The following FSD1L variants were observed in gnomAD, a reference collection of about 807,000 sequenced individuals.
FSD1L encodes fibronectin type III and SPRY domain containing 1 like.
A neutral mutation model predicts 71.6 loss-of-function variants in FSD1L; 45 were observed. That is an observed-to-expected ratio of 0.63 (90% confidence interval 0.49 to 0.81). The LOEUF (loss-of-function observed/expected upper bound fraction) is 0.81. Among genes scored for constraint, FSD1L ranks in the 30% least tolerant of loss-of-function variants. The probability of loss-of-function intolerance (pLI) is 0.00; values close to 1 mark genes in which losing one functional copy is unlikely to be tolerated. For missense variants in FSD1L, 561 were observed against 618.1 expected, an observed-to-expected ratio of 0.91 and a Z score of 0.98; for synonymous variants, 197 against 207.2, an observed-to-expected ratio of 0.95 and a Z score of 0.42.
chr9:105,524,241 A>T (rs1835363236), intron 10 of FSD1L: 1 of 1,612,212 alleles, frequency 6.2e-7, no homozygotes. Flanking sequence ...GTTTACTAAT[A>T]AAACAGTAGC....
chr9:105,517,752 C>T (rs1280877594), intron 10 of FSD1L, among the ~76,000 whole-genome samples: 1 of 152,146 alleles, frequency 6.6e-6, no homozygotes, highest in African/African-American at 2.4e-5. Context: ...ACTGCATCAA[C>T]TAATAGGCAA....
chr9:105,475,991 A>G (rs868500996), intron 5 of FSD1L, among the ~76,000 whole-genome samples: 12 of 152,194 alleles, frequency 7.9e-5, no homozygotes, highest in African/African-American at 2.4e-5. Context: ...CTTTCTATAA[A>G]AAGAGAAATG....
intron 2 of FSD1L, 99 bp from the exon 3 acceptor site, chr9:105,464,137 A>G (rs768563159): frequency 1.8e-5 from 12 of 668,192 alleles, no homozygotes; most frequent in African/African-American, 3.7e-5. Context: ...TTTGTTATAC[A>G]ATATACTCTT....
intron 7 of FSD1L, among the ~76,000 whole-genome samples, chr9:105,488,111 A>G (rs568757699): frequency 1.3e-5 from 2 of 152,250 alleles, no homozygotes; most frequent in East Asian, 3.9e-4. Context: ...GTATACTGGC[A>G]TGTATCTGCC....
rs774927554 is a variant in FSD1L, at chr9:105,494,533, A to T, written c.586+10031A>T. ...GTCATTCTCCATTCAGCTTTGCTCC[A>T]TTTCTGGTGAGGAGCTGCGTTCCTT... is the stretch of plus-strand genomic sequence containing the variant. On this transcript the variant is annotated intron_variant, in intron 7 of 13. Coordinates refer to ENST00000481272, the MANE Select transcript of FSD1L (RefSeq NM_001145313.3). Among the ~76,000 whole-genome samples, 7 of 152,038 alleles carry T rather than the reference A, an allele frequency of 4.6e-5. No homozygotes were observed. The East Asian group carries it at 5.8e-4, about 13-fold the overall frequency.
At chr9:105,518,058 CAAAG>C (rs1030173545) in intron 10 of FSD1L, among the ~76,000 whole-genome samples, 66 of 152,208 alleles carry the variant, frequency 4.3e-4, no homozygotes, top group African/African-American at 1.3e-3. Context: ...TCAAAAGAGA[CAAAG>C]AAGGGCATTA....
At chr9:105,460,886 C>T (rs1419665396) in intron 1 of FSD1L, among the ~76,000 whole-genome samples, 2 of 152,010 alleles carry the variant, frequency 1.3e-5, no homozygotes, top group South Asian at 2.1e-4. Flanking sequence ...TATTGGACCC[C>T]GAAGTGGTGT....
At chr9:105,488,821 T>G (rs996212913) in intron 7 of FSD1L, among the ~76,000 whole-genome samples, 1 of 121,260 alleles carries the variant, frequency 8.2e-6, no homozygotes, top group African/African-American at 3.9e-5. Context: ...TACATTGGGT[T>G]TTTTTTTTTT....
At chr9:105,448,333 G>A in intron 1 of FSD1L, 98 bp downstream of exon 1, 1 of 1,142,762 alleles carries the variant, frequency 8.8e-7, no homozygotes, top group Non-Finnish European at 1.2e-6. Context: ...GCGCGGGGTG[G>A]GCCTGGCCGG....
intron 4 of FSD1L, among the ~76,000 whole-genome samples, chr9:105,471,108 T>G (rs1831425001): frequency 6.6e-6 from 1 of 152,240 alleles, no homozygotes; most frequent in Admixed American, 6.5e-5. Context: ...TAGCTCATAC[T>G]GCATATTAAA....
chr9:105,540,785 T>C (rs1836562393), intron 13 of FSD1L, among the ~76,000 whole-genome samples: 1 of 152,116 alleles, frequency 6.6e-6, no homozygotes, highest in South Asian at 2.1e-4. Context: ...GTCTACTCAA[T>C]TTCAGGCTGA....
At chr9:105,482,323 G>A (rs1385348173) in intron 6 of FSD1L, among the ~76,000 whole-genome samples, 1 of 152,144 alleles carries the variant, frequency 6.6e-6, no homozygotes, top group African/African-American at 2.4e-5. Context: ...AATAATATTG[G>A]AATATGATTA....
intron 1 of FSD1L, among the ~76,000 whole-genome samples, chr9:105,450,779 C>G (rs1016721750): frequency 3.3e-5 from 5 of 152,022 alleles, no homozygotes; most frequent in African/African-American, 1.2e-4. Flanking sequence ...TCAGGTGATC[C>G]GCCAGCCTTG....
chr9:105,485,890 G>A (rs1414652917), intron 7 of FSD1L, among the ~76,000 whole-genome samples: 2 of 151,992 alleles, frequency 1.3e-5, no homozygotes, highest in Non-Finnish European at 2.9e-5. Context: ...TGATCCGCCC[G>A]CCTCGGCCTC....
intron 7 of FSD1L, among the ~76,000 whole-genome samples, chr9:105,491,395 T>C (rs1412425543): frequency 2.6e-5 from 4 of 152,104 alleles, no homozygotes; most frequent in Admixed American, 6.5e-5. Context: ...AAGGAGATTT[T>C]GGGCTGAGAC....
At chr9:105,534,229 A>G (rs1171035827) in intron 10 of FSD1L, among the ~76,000 whole-genome samples, 3 of 151,818 alleles carry the variant, frequency 2.0e-5, no homozygotes, top group Admixed American at 2.0e-4. Context: ...TTCTTATTTC[A>G]GCCGTGTATT....
chr9:105,454,974 T>C (rs1215611555), intron 1 of FSD1L, among the ~76,000 whole-genome samples: 2 of 152,240 alleles, frequency 1.3e-5, no homozygotes, highest in East Asian at 3.8e-4. Flanking sequence ...GATTCCTGAA[T>C]TTCCCAGTTC....
At chr9:105,524,352 G>A in intron 10 of FSD1L, 1 of 1,613,880 alleles carries the variant, frequency 6.2e-7, no homozygotes, top group Non-Finnish European at 8.5e-7. Flanking sequence ...GATCCTAATA[G>A]CTACCATCAC....
At chr9:105,493,886 G>A (rs1833145917) in intron 7 of FSD1L, among the ~76,000 whole-genome samples, 1 of 152,172 alleles carries the variant, frequency 6.6e-6, no homozygotes, top group African/African-American at 2.4e-5. Flanking sequence ...AGTCTGATGG[G>A]CTTCCCTTTG....
Sources: allele counts gnomAD v4.1 joint callset (sites outside exome capture counted in the v4.1 genomes callset), GRCh38; gene constraint gnomAD v4.1.1; transcripts MANE v1.5; gene names NCBI Gene and HGNC (gene_info 2026-07-23, HGNC 2026-07-21).